The following DCLK1 variants were observed in gnomAD, a reference collection of about 807,000 sequenced individuals.
DCLK1 encodes doublecortin like kinase 1, also known as serine/threonine-protein kinase DCLK1.
In DCLK1, 16 loss-of-function variants were observed where a neutral mutation model predicts 86.2. The ratio of observed to expected loss-of-function variants is 0.19; its 90% CI spans 0.13 to 0.28. DCLK1 has a LOEUF of 0.28. Ranked by LOEUF, DCLK1 falls within the 10% of genes least tolerant of loss-of-function variation. DCLK1 has a pLI of 1.00. For synonymous variants in DCLK1, 369 were observed against 370.5 expected, an observed-to-expected ratio of 1.00 and a Z score of 0.05; for missense variants, 590 against 940.2, an observed-to-expected ratio of 0.63 and a Z score of 4.87.
At chr13:36,114,046 A>G (rs911035563) in intron 2 of DCLK1, among the ~76,000 whole-genome samples, 5 of 152,204 alleles carry the variant, frequency 3.3e-5, no homozygotes, top group Non-Finnish European at 7.3e-5. Flanking sequence ...ATTATTTATA[A>G]GTTTCTATAC....
intron 4 of DCLK1, among the ~76,000 whole-genome samples, chr13:35,909,363 G>A (rs973672929): frequency 7.9e-5 from 12 of 152,254 alleles, no homozygotes; most frequent in Admixed American, 7.2e-4. Flanking sequence ...TGTGACACAC[G>A]CAAACATTAA....
chr13:35,802,159 T>A (rs1267060345), intron 15 of DCLK1, among the ~76,000 whole-genome samples: 1 of 151,958 alleles, frequency 6.6e-6, no homozygotes, highest in Non-Finnish European at 1.5e-5. Flanking sequence ...TTTAGAAATC[T>A]CTACATATAA....
At chr13:35,978,053 A>C (rs1879436593) in intron 3 of DCLK1, among the ~76,000 whole-genome samples, 1 of 152,140 alleles carries the variant, frequency 6.6e-6, no homozygotes, top group African/African-American at 2.4e-5. Context: ...AGGAAGTATT[A>C]CTAACGATCC....
At chr13:36,097,841 C>T (rs777907558) in intron 3 of DCLK1, among the ~76,000 whole-genome samples, 6 of 151,080 alleles carry the variant, frequency 4.0e-5, no homozygotes, top group Non-Finnish European at 8.8e-5. Flanking sequence ...AAATTGTGAG[C>T]ATTCTTACCA....
At chr13:36,065,323 GGACT>G (rs1883708911) in intron 3 of DCLK1, among the ~76,000 whole-genome samples, 3 of 152,260 alleles carry the variant, frequency 2.0e-5, no homozygotes, top group Non-Finnish European at 4.4e-5. Flanking sequence ...CACAGAATAA[GGACT>G]CTGTAAATGT....
intron 3 of DCLK1, among the ~76,000 whole-genome samples, chr13:36,082,965 C>T (rs1335577515): frequency 6.6e-6 from 1 of 151,952 alleles, no homozygotes; most frequent in Non-Finnish European, 1.5e-5. Flanking sequence ...GTTATGGTTA[C>T]AGGGAATGGG....
intron 4 of DCLK1, among the ~76,000 whole-genome samples, chr13:35,918,997 G>A (rs1875618532): frequency 7.1e-6 from 1 of 141,016 alleles, no homozygotes; most frequent in Non-Finnish European, 1.5e-5. Flanking sequence ...CTGCTTCCCA[G>A]TTCAAGCAAT....
At chr13:36,013,449 C>G (rs1289203993) in intron 3 of DCLK1, among the ~76,000 whole-genome samples, 6 of 152,112 alleles carry the variant, frequency 3.9e-5, no homozygotes, top group Admixed American at 2.0e-4. Flanking sequence ...TTCTAACAGA[C>G]AGGACCCTCA....
intron 4 of DCLK1, among the ~76,000 whole-genome samples, chr13:35,939,687 T>C (rs1876974563): frequency 6.6e-6 from 1 of 152,226 alleles, no homozygotes; most frequent in African/African-American, 2.4e-5. Flanking sequence ...TGAGCCACCA[T>C]GCCCGGCCCT....
intron 3 of DCLK1, among the ~76,000 whole-genome samples, chr13:36,102,039 G>T (rs764069236): frequency 2.2e-4 from 33 of 152,106 alleles, no homozygotes; most frequent in Admixed American, 3.9e-4. Flanking sequence ...CACCGCACCT[G>T]GCCGATAGTG....
chr13:36,121,419 G>A (rs534794099), intron 2 of DCLK1, among the ~76,000 whole-genome samples: 1 of 152,298 alleles, frequency 6.6e-6, no homozygotes, highest in African/African-American at 2.4e-5. Context: ...GCAGTTCTGA[G>A]TAGTGTGATG....
chr13:35,850,515 G>A (rs1870535240), intron 6 of DCLK1: 2 of 1,235,816 alleles, frequency 1.6e-6, no homozygotes, highest in Non-Finnish European at 1.0e-6. Flanking sequence ...TCAAATCCAT[G>A]TGGGAGATAT....
chr13:36,069,244 A>T (rs1883879345), intron 3 of DCLK1, among the ~76,000 whole-genome samples: 1 of 146,718 alleles, frequency 6.8e-6, no homozygotes, highest in Admixed American at 6.8e-5. Flanking sequence ...TAAACTAGAG[A>T]AAAAGGTTTC....
intron 15 of DCLK1, among the ~76,000 whole-genome samples, chr13:35,804,918 C>A (rs2153101770): frequency 6.6e-6 from 1 of 152,296 alleles, no homozygotes; most frequent in African/African-American, 2.4e-5. Context: ...AGCCTCCAAT[C>A]TACTGTGTTA....
chr13:36,027,380 G>T (rs1056854799), intron 3 of DCLK1, among the ~76,000 whole-genome samples: 2 of 152,220 alleles, frequency 1.3e-5, no homozygotes, highest in Non-Finnish European at 2.9e-5. Flanking sequence ...CTTGCCCACT[G>T]CTCACCTCAT....
intron 6 of DCLK1, chr13:35,845,891 A>T: frequency 1.0e-6 from 1 of 982,808 alleles, no homozygotes; most frequent in Non-Finnish European, 1.2e-6. Flanking sequence ...AAACTCACTG[A>T]ACAACATAGG....
rs900223029 is a variant in DCLK1 at position 35,873,622 on chromosome 13, A to G, written c.824-2282T>C. On this transcript the variant is annotated intron_variant, in intron 4 of 16. Transcript: ENST00000360631. ...GCTGGTTTCAAACTCCTGACCTCAAATGATCCACCCACCTCAGCCTCCCAA... is the reference window on the plus strand; with the variant it reads ...GCTGGTTTCAAACTCCTGACCTCAAGTGATCCACCCACCTCAGCCTCCCAA... 4.6e-5 allele frequency among the ~76,000 whole-genome samples: 7 copies of G among 152,114 alleles called. No homozygotes were observed. In the East Asian group the frequency reaches 1.4e-3, roughly 30 times the overall value.
chr13:35,951,970 C>T (rs1470188978), intron 3 of DCLK1, among the ~76,000 whole-genome samples: 3 of 152,126 alleles, frequency 2.0e-5, no homozygotes, highest in Non-Finnish European at 4.4e-5. Flanking sequence ...AAGAGCACAG[C>T]ACTATCAACA....
intron 8 of DCLK1, among the ~76,000 whole-genome samples, chr13:35,832,965 C>A (rs1869074932): frequency 6.6e-6 from 1 of 152,190 alleles, no homozygotes; most frequent in African/African-American, 2.4e-5. Context: ...ACTATAGACA[C>A]ATGGTCGCTT....
Sources: allele counts gnomAD v4.1 joint callset (sites outside exome capture counted in the v4.1 genomes callset), GRCh38; gene constraint gnomAD v4.1.1; transcripts MANE v1.5; gene names NCBI Gene and HGNC (gene_info 2026-07-23, HGNC 2026-07-21).